The following PRELID2 variants were observed in gnomAD, a reference collection of about 807,000 sequenced individuals.
The protein encoded by PRELID2 is PRELI domain-containing protein 2.
PRELID2 carries 25 observed loss-of-function variants against 28.4 expected under a neutral mutation model. That is an observed-to-expected ratio of 0.88 (90% CI 0.64 to 1.23). The LOEUF is 1.23. Among genes scored for constraint, PRELID2 ranks in the 50% most tolerant of loss-of-function variants. The probability of loss-of-function intolerance (pLI) is 0.00; values close to 1 mark genes in which losing one functional copy is unlikely to be tolerated. For synonymous variants in PRELID2, 76 were observed against 71.6 expected, an observed-to-expected ratio of 1.06 and a Z score of -0.31; for missense variants, 201 against 214.4, an observed-to-expected ratio of 0.94 and a Z score of 0.39.
At chr5:145,574,488 G>A (rs1753043870) in intron 1 of PRELID2, among the ~76,000 whole-genome samples, 1 of 152,300 alleles carries the variant, frequency 6.6e-6, no homozygotes, top group African/African-American at 2.4e-5. Flanking sequence ...GCCCCACTCT[G>A]AGGTGATGGC....
chr5:145,572,982 C>T (rs1753027768), intron 1 of PRELID2, among the ~76,000 whole-genome samples: 1 of 152,136 alleles, frequency 6.6e-6, no homozygotes, highest in South Asian at 2.1e-4. Flanking sequence ...ATAGTCCAAC[C>T]CATAACCTTT....
chr5:145,728,626 C>T, intron 1 of PRELID2: 1 of 1,145,180 alleles, frequency 8.7e-7, no homozygotes, highest in South Asian at 1.3e-5. Context: ...ACATTATAGA[C>T]TCCATAACGA....
chr5:145,682,942 A>G (rs1234579223), intron 1 of PRELID2, among the ~76,000 whole-genome samples: 11 of 152,234 alleles, frequency 7.2e-5, no homozygotes, highest in Non-Finnish European at 1.3e-4. Flanking sequence ...TCATGGGACT[A>G]GCAGGGGAGG....
intron 1 of PRELID2, among the ~76,000 whole-genome samples, chr5:145,556,851 C>A (rs1467418591): frequency 6.6e-6 from 1 of 152,188 alleles, no homozygotes; most frequent in Non-Finnish European, 1.5e-5. Context: ...ACACTCCTGT[C>A]TCCCTATATG....
At chr5:145,677,247 T>G (rs1376609228) in intron 1 of PRELID2, among the ~76,000 whole-genome samples, 1 of 148,616 alleles carries the variant, frequency 6.7e-6, no homozygotes, top group Non-Finnish European at 1.5e-5. Flanking sequence ...CTCTGCCTCC[T>G]GGGTTCAAGC....
At chr5:145,602,103 G>A (rs998824898) in intron 1 of PRELID2, among the ~76,000 whole-genome samples, 3 of 152,134 alleles carry the variant, frequency 2.0e-5, no homozygotes, top group Non-Finnish European at 4.4e-5. Context: ...GGGTACTGCA[G>A]AAAGCCCTGA....
rs999181991 is a variant in PRELID2, at chr5:145,757,112, G to A, written c.*3424C>T. 6.6e-6 allele frequency among the ~76,000 whole-genome samples: 1 copy of A among 152,180 alleles called. No homozygotes were observed. The highest frequency in any genetic ancestry group is 1.5e-5 in the Non-Finnish European group (1 of 68,036). The stretch of plus-strand genomic sequence containing the variant: ...GAAATAAAGTAAAAAAGATGTGCAA[G>A]TTAAAAGAATAACCTTGAGTTTTCT... On this transcript the variant is annotated 3_prime_UTR_variant, in exon 7 of 7. Coordinates refer to ENST00000683046, the MANE Select transcript of PRELID2 (RefSeq NM_205846.3).
intron 1 of PRELID2, among the ~76,000 whole-genome samples, chr5:145,622,527 T>C (rs895396326): frequency 6.6e-6 from 1 of 152,128 alleles, no homozygotes; most frequent in African/African-American, 2.4e-5. Flanking sequence ...AAAACAATTA[T>C]ATGCCTGTGA....
At chr5:145,651,533 G>A (rs1427556571) in intron 1 of PRELID2, among the ~76,000 whole-genome samples, 5 of 151,558 alleles carry the variant, frequency 3.3e-5, no homozygotes, top group East Asian at 1.9e-4. Context: ...CAGCTCTCAC[G>A]GCCAGGTACC....
intron 1 of PRELID2, among the ~76,000 whole-genome samples, chr5:145,493,863 G>A (rs2126628623): frequency 6.6e-6 from 1 of 152,176 alleles, no homozygotes; most frequent in Non-Finnish European, 1.5e-5. Context: ...ACAGTTCTTA[G>A]CTTTTATATT....
intron 1 of PRELID2, among the ~76,000 whole-genome samples, chr5:145,722,784 G>A (rs529790533): frequency 2.0e-5 from 3 of 152,240 alleles, no homozygotes; most frequent in South Asian, 2.1e-4. Context: ...ACAGGTGTGA[G>A]CCACCACACC....
At chr5:145,442,782 A>G in the PRELID2 span, among the ~76,000 whole-genome samples, 1 of 152,094 alleles carries the variant, frequency 6.6e-6, no homozygotes, top group African/African-American at 2.4e-5. Flanking sequence ...CAGAAACACA[A>G]TATTTCCATA....
the PRELID2 span, among the ~76,000 whole-genome samples, chr5:145,412,591 T>C: frequency 3.2e-3 from 488 of 152,320 alleles, 4 homozygotes; most frequent in African/African-American, 0.011. Flanking sequence ...GTTTCAAACC[T>C]TCTCACATTT....
At chr5:145,363,378 A>G in the PRELID2 span, among the ~76,000 whole-genome samples, 1 of 152,062 alleles carries the variant, frequency 6.6e-6, no homozygotes, top group Non-Finnish European at 1.5e-5. Flanking sequence ...CAGCCTCTTT[A>G]TATTCTAAAG....
At chr5:145,717,097 C>G (rs920498886) in intron 1 of PRELID2, among the ~76,000 whole-genome samples, 7 of 152,068 alleles carry the variant, frequency 4.6e-5, no homozygotes, top group African/African-American at 1.4e-4. Flanking sequence ...AAAAGAGAAT[C>G]AGAAAAATAT....
At chr5:145,822,414 G>A (rs1476286852) in intron 2 of PRELID2, among the ~76,000 whole-genome samples, 1 of 152,164 alleles carries the variant, frequency 6.6e-6, no homozygotes, top group Non-Finnish European at 1.5e-5. Context: ...GTTGTAGTGA[G>A]GAAGCAGTCG....
chr5:145,509,752 G>T (rs1317226755), intron 1 of PRELID2, among the ~76,000 whole-genome samples: 1 of 152,142 alleles, frequency 6.6e-6, no homozygotes, highest in African/African-American at 2.4e-5. Context: ...AGCAGATGCT[G>T]TTTTCTTCCT....
At chr5:145,233,896 A>T in the PRELID2 span, among the ~76,000 whole-genome samples, 1 of 152,220 alleles carries the variant, frequency 6.6e-6, no homozygotes, top group African/African-American at 2.4e-5. Context: ...TTTTTAAAAC[A>T]TAACCAACCT....
chr5:145,656,840 A>C (rs964062584), intron 1 of PRELID2, among the ~76,000 whole-genome samples: 1 of 152,116 alleles, frequency 6.6e-6, no homozygotes, highest in African/African-American at 2.4e-5. Context: ...AACATGGTAC[A>C]TGTATACATA....
Sources: allele counts gnomAD v4.1 joint callset (sites outside exome capture counted in the v4.1 genomes callset), GRCh38; gene constraint gnomAD v4.1.1; transcripts MANE v1.5; gene names NCBI Gene and HGNC (gene_info 2026-07-23, HGNC 2026-07-21).